Variants in FYN observed in about 807,000 individuals in gnomAD.
FYN encodes the protein tyrosine-protein kinase Fyn.
FYN carries 10 observed loss-of-function variants against 70.2 expected under a neutral mutation model. The observed-to-expected ratio is 0.14, with a 90% CI of 0.09 to 0.24. The LOEUF is 0.24. FYN is among the 10% of genes least tolerant of loss of function. The pLI is 1.00. For missense variants in FYN, 319 were observed against 673.1 expected (o/e 0.47, Z 5.82); for synonymous variants, 236 against 248.6 (o/e 0.95, Z 0.48).
chr6:111,812,604 CTTTTTTTTTTTT>C (rs369326017), intron 2 of FYN, among the ~76,000 whole-genome samples: 11 of 101,284 alleles, frequency 1.1e-4, no homozygotes, highest in South Asian at 3.6e-4. Context: ...AGAAATTTTC[CTTTTTTTTTTTT>C]TTTTTTTTTT....
rs191533200 is a variant in FYN, at chr6:111,802,884, T to C, written c.-81-22249A>G. Reference sequence around the variant, plus strand: ...CTTAACCACTATTTACCAACATAGATGTAGAGTGGGTTTCTTAAATAAACT... The same window carrying C: ...CTTAACCACTATTTACCAACATAGACGTAGAGTGGGTTTCTTAAATAAACT... On this transcript the variant is annotated intron_variant, in intron 2 of 13. Transcript: ENST00000354650. 1.2e-3 allele frequency among the ~76,000 whole-genome samples: 177 copies of C among 152,334 alleles called. 1 individual carries two copies. Among genetic ancestry groups the C allele is most frequent in the African/African-American group, 4.0e-3 (166 of 41,580 alleles).
intron 3 of FYN, among the ~76,000 whole-genome samples, chr6:111,741,937 G>T (rs1334783078): frequency 6.6e-6 from 1 of 152,150 alleles, no homozygotes; most frequent in Non-Finnish European, 1.5e-5. Context: ...GATCCACTAG[G>T]CTATGCCATA....
At chr6:111,703,429 T>C (rs1799931978) in intron 7 of FYN, among the ~76,000 whole-genome samples, 1 of 152,214 alleles carries the variant, frequency 6.6e-6, no homozygotes, top group South Asian at 2.1e-4. Context: ...AGCAGCAGCA[T>C]GTGCAAAAGA....
chr6:111,800,849 G>A (rs1185163798), intron 2 of FYN, among the ~76,000 whole-genome samples: 1 of 152,192 alleles, frequency 6.6e-6, no homozygotes, highest in South Asian at 2.1e-4. Flanking sequence ...ATCCCCAGAG[G>A]ATAGCAACCC....
At chr6:111,713,837 C>T (rs1480857608) in intron 5 of FYN, among the ~76,000 whole-genome samples, 1 of 152,166 alleles carries the variant, frequency 6.6e-6, no homozygotes, top group African/African-American at 2.4e-5. Context: ...TCCAGTCACT[C>T]CCAAATTTTT....
chr6:111,748,910 A>G (rs1802362699), intron 3 of FYN, among the ~76,000 whole-genome samples: 1 of 152,192 alleles, frequency 6.6e-6, no homozygotes, highest in African/African-American at 2.4e-5. Flanking sequence ...ATGGGAAAGG[A>G]CCGGTATACT....
At chr6:111,816,805 G>T (rs1772503690) in intron 2 of FYN, among the ~76,000 whole-genome samples, 1 of 152,160 alleles carries the variant, frequency 6.6e-6, no homozygotes, top group Non-Finnish European at 1.5e-5. Flanking sequence ...CTTATTCTAA[G>T]GAGAAAATAA....
chr6:111,661,476 G>A lies in FYN; in HGVS notation c.*263C>T. ...AACTATTTACACTGAACAGAGGTTT[G>A]GCCTTTTACATAACATCGATACAAT... On this transcript the variant is annotated 3_prime_UTR_variant, in exon 14 of 14. Coordinates refer to ENST00000354650, the MANE Select transcript of FYN (RefSeq NM_002037.5). This position sits in a 1 kb window ranked among gnomAD's most constrained non-coding sequence, Gnocchi z 4.0. 2.4e-6 allele frequency: 1 copy of A among 421,468 alleles called. No individual in the cohort carries two copies. The highest frequency in any genetic ancestry group is 4.3e-6 in the Non-Finnish European group (1 of 233,692). The allele number at this position is 421,468 out of a possible 1,614,324, so 26.1% of individuals were successfully genotyped here.
intron 3 of FYN, among the ~76,000 whole-genome samples, chr6:111,721,890 T>C (rs1424749962): frequency 6.6e-6 from 1 of 152,094 alleles, no homozygotes; most frequent in Non-Finnish European, 1.5e-5. Context: ...AACCGCAAAC[T>C]AGCCCATTTG....
At chr6:111,728,339 A>C (rs563841939) in intron 3 of FYN, among the ~76,000 whole-genome samples, 3 of 152,192 alleles carry the variant, frequency 2.0e-5, no homozygotes, top group Non-Finnish European at 2.9e-5. Flanking sequence ...TTAAAATTTC[A>C]TTTAAAGTGA....
chr6:111,774,485 T>C (rs1029753631), intron 3 of FYN, among the ~76,000 whole-genome samples: 2 of 152,074 alleles, frequency 1.3e-5, no homozygotes, highest in Non-Finnish European at 2.9e-5. Flanking sequence ...GCAGGACATT[T>C]ACCATCCCTG....
At chr6:111,709,124 G>A (rs920359276) in intron 5 of FYN, 1 of 152,038 alleles carries the variant, frequency 6.6e-6, no homozygotes, top group Non-Finnish European at 1.5e-5. Context: ...TGATCTCCTG[G>A]GGCTCAGGAC....
At chr6:111,849,577 G>C (rs1395715747) in intron 1 of FYN, among the ~76,000 whole-genome samples, 2 of 152,324 alleles carry the variant, frequency 1.3e-5, no homozygotes, top group Admixed American at 1.3e-4. Context: ...AGGCTGGAGG[G>C]AGAAAGGTGG....
chr6:111,833,956 C>A (rs1773101525), intron 2 of FYN, among the ~76,000 whole-genome samples: 1 of 152,126 alleles, frequency 6.6e-6, no homozygotes, highest in African/African-American at 2.4e-5. Context: ...TCCACTCATA[C>A]AATGAGTGGA....
At chr6:111,693,002 A>G (rs1799407022) in intron 12 of FYN, among the ~76,000 whole-genome samples, 1 of 152,232 alleles carries the variant, frequency 6.6e-6, no homozygotes, top group South Asian at 2.1e-4. Flanking sequence ...CTGTGTGGGC[A>G]TTTGGCTCCA....
At position 111,694,646 on chromosome 6, in the gene FYN, A is replaced by C; in HGVS notation, c.1101T>G (p.Leu367=). 1.9e-6 allele frequency: 3 copies of C among 1,614,118 alleles called. No individual in the cohort carries two copies. Among genetic ancestry groups the C allele is most frequent in the Non-Finnish European group, 1.7e-6 (2 of 1,180,010 alleles). ...GEGRALKLPN[L]VDMAAQVAAG... is the part of the protein sequence containing the mutation. ...GGCCTACCTGTGCTGCCATGTCCAC[A>C]AGATTTGGTAATTTCAGAGCTCTTC... The change falls in exon 11 of 14, where the codon CTT becomes CTG. Residue 367 remains leucine, a synonymous_variant. Transcript: ENST00000354650. The surrounding 1 kb of genome is among the most constrained non-coding windows in gnomAD (Gnocchi z 5.0).
At position 111,660,583 on chromosome 6, in the gene FYN, G is replaced by A. The variant is rs1282868915; in HGVS notation, c.*1156C>T. The A allele has an allele frequency of 6.6e-6, 1 of 152,180 alleles. No individual in the cohort carries two copies. The highest frequency in any genetic ancestry group is 2.4e-5 in the African/African-American group (1 of 41,452). 9.4% of individuals were successfully genotyped at this position (152,180 alleles called of 1,614,324 possible). A position where few individuals can be genotyped will look rare whatever the true frequency, so the allele number is the denominator to read the frequency against. ...GTGCATCCCCATGAAATGTAAAGTA[G>A]TGCATAGTTATTCCACTGGAGAACT... On this transcript the variant is annotated 3_prime_UTR_variant, in exon 14 of 14. Coordinates refer to ENST00000354650, the MANE Select transcript of FYN (RefSeq NM_002037.5).
intron 2 of FYN, among the ~76,000 whole-genome samples, chr6:111,806,437 G>A (rs9387039): frequency 0.1 from 15,207 of 152,118 alleles, 1,126 homozygotes; most frequent in African/African-American, 0.21. Flanking sequence ...CCTGTCCCTA[G>A]GTTATTCGGT....
intron 1 of FYN, among the ~76,000 whole-genome samples, chr6:111,854,572 G>T (rs1326172592): frequency 6.6e-6 from 1 of 152,168 alleles, no homozygotes; most frequent in Non-Finnish European, 1.5e-5. Flanking sequence ...TGAAATATTC[G>T]CAGGAAACAG....
Sources: gnomAD v4.1 joint callset for allele counts (sites outside exome capture counted in the v4.1 genomes callset) on GRCh38, gnomAD v4.1.1 for gene constraint, Gnocchi (gnomAD v3.1) non-coding constraint, MANE v1.5 for transcripts, NCBI Gene and HGNC (gene_info 2026-07-23, HGNC 2026-07-21) for gene names.